PKHD1: variants seen among roughly 807,000 people sequenced by gnomAD.
PKHD1 encodes the protein fibrocystin.
Under a neutral mutation model 412.0 loss-of-function variants are expected in PKHD1, and 291 were observed. The observed-to-expected ratio is 0.71, with a 90% confidence interval of 0.64 to 0.78. The LOEUF is 0.78. Ranked by LOEUF, PKHD1 falls within the 30% of genes least tolerant of loss-of-function variation. The pLI is 0.00. For synonymous variants in PKHD1, 1,777 were observed against 1,821.5 expected, an observed-to-expected ratio of 0.98 and a Z score of 0.62; for missense variants, 4,825 against 4,950.7, an observed-to-expected ratio of 0.97 and a Z score of 0.76.
intron 35 of PKHD1, among the ~76,000 whole-genome samples, chr6:51,989,690 T>C (rs1474529803): frequency 1.3e-5 from 2 of 151,972 alleles, no homozygotes; most frequent in Non-Finnish European, 2.9e-5. Context: ...CAAAGGCCTT[T>C]GATTTCACCA....
intron 35 of PKHD1, among the ~76,000 whole-genome samples, chr6:51,996,278 G>A (rs535172375): frequency 4.0e-5 from 6 of 151,664 alleles, no homozygotes; most frequent in African/African-American, 1.5e-4. Context: ...CAAAGTGCTG[G>A]GATTACAGGC....
chr6:51,980,993 A>C (rs1017653136), intron 35 of PKHD1, among the ~76,000 whole-genome samples: 1 of 152,198 alleles, frequency 6.6e-6, no homozygotes, highest in African/African-American at 2.4e-5. Context: ...TCAGCTTTTT[A>C]AAATGTCTAA....
At chr6:51,794,298 T>C (rs976829837) in intron 52 of PKHD1, among the ~76,000 whole-genome samples, 8 of 152,182 alleles carry the variant, frequency 5.3e-5, no homozygotes, top group Non-Finnish European at 7.3e-5. Flanking sequence ...TTAAGCTTTT[T>C]TTCATATGTC....
At position 51,819,312 on chromosome 6, in the gene PKHD1, T is replaced by C. The variant is rs114468947; in HGVS notation, c.8302+11549A>G. ...AAAAAAAGTATTTATCTGTGCTTAGTCCAAAATTTTTCAAATTTGTTTGAC... is the reference window on the plus strand; with the variant it reads ...AAAAAAAGTATTTATCTGTGCTTAGCCCAAAATTTTTCAAATTTGTTTGAC... On this transcript the variant is annotated intron_variant, in intron 52 of 66. Coordinates refer to ENST00000371117, the MANE Select transcript of PKHD1 (RefSeq NM_138694.4). Among the ~76,000 whole-genome samples the C allele has an allele frequency of 5.1e-3, 777 of 152,354 alleles. 11 individuals are homozygous for C. Among genetic ancestry groups the C allele is most frequent in the African/African-American group, 0.015 (630 of 41,576 alleles).
intron 60 of PKHD1, among the ~76,000 whole-genome samples, chr6:51,710,102 C>T (rs1392150540): frequency 2.6e-5 from 4 of 151,940 alleles, no homozygotes; most frequent in Non-Finnish European, 4.4e-5. Context: ...CCCAGCTACT[C>T]GGGAAGCTGA....
chr6:52,049,579 A>G (rs969043788), intron 22 of PKHD1, among the ~76,000 whole-genome samples: 1 of 152,224 alleles, frequency 6.6e-6, no homozygotes, highest in African/African-American at 2.4e-5. Context: ...ATTAGAGTAT[A>G]CATGTGTTCC....
chr6:52,024,175 G>A (rs1325701875), intron 32 of PKHD1, among the ~76,000 whole-genome samples: 1 of 152,160 alleles, frequency 6.6e-6, no homozygotes, highest in Non-Finnish European at 1.5e-5. Flanking sequence ...ATTACAAAAT[G>A]ATAAAAATTT....
chr6:52,040,981 T>C (rs188592746), intron 27 of PKHD1, among the ~76,000 whole-genome samples: 3 of 152,178 alleles, frequency 2.0e-5, no homozygotes, highest in Non-Finnish European at 4.4e-5. Context: ...TGGTAACAAT[T>C]AAAGGTTGAA....
chr6:52,050,096 T>C, intron 22 of PKHD1, 61 bp downstream of exon 22: 1 of 1,548,078 alleles, frequency 6.5e-7, no homozygotes, highest in Non-Finnish European at 8.9e-7. Context: ...CACACCTGTG[T>C]CCCTCAAGGC....
intron 35 of PKHD1, among the ~76,000 whole-genome samples, chr6:52,009,875 C>A (rs1799585398): frequency 6.6e-6 from 1 of 152,036 alleles, no homozygotes; most frequent in African/African-American, 2.4e-5. Context: ...CTCTGCTCCC[C>A]CATGGCACAG....
At chr6:51,793,379 G>A (rs1002822133) in intron 52 of PKHD1, among the ~76,000 whole-genome samples, 15 of 152,016 alleles carry the variant, frequency 9.9e-5, no homozygotes, top group African/African-American at 3.6e-4. Flanking sequence ...TAAATTCAGG[G>A]ATACATGAGC....
At chr6:51,832,031 A>G (rs1224321610) in intron 51 of PKHD1, among the ~76,000 whole-genome samples, 4 of 152,032 alleles carry the variant, frequency 2.6e-5, no homozygotes. Context: ...CATGTCCATG[A>G]TTTGCTAATT....
chr6:51,982,996 T>A (rs1405290382), intron 35 of PKHD1, among the ~76,000 whole-genome samples: 1 of 151,956 alleles, frequency 6.6e-6, no homozygotes, highest in African/African-American at 2.4e-5. Flanking sequence ...AGACATTGCT[T>A]AAGCAGGGCC....
chr6:51,807,492 T>TGTGTGC (rs1764023570), intron 52 of PKHD1, among the ~76,000 whole-genome samples: 1 of 141,802 alleles, frequency 7.1e-6, no homozygotes, highest in Non-Finnish European at 1.5e-5. Flanking sequence ...TATATGTGTG[T>TGTGTGC]GTGTGTGTGT....
At chr6:51,654,907 T>G (rs747900535) in intron 61 of PKHD1, among the ~76,000 whole-genome samples, 3 of 152,056 alleles carry the variant, frequency 2.0e-5, no homozygotes, top group Non-Finnish European at 4.4e-5. Context: ...ATCTTTGTCT[T>G]TTTTTAACGA....
intron 60 of PKHD1, among the ~76,000 whole-genome samples, chr6:51,664,508 C>T (rs1773396434): frequency 6.6e-6 from 1 of 152,112 alleles, no homozygotes; most frequent in African/African-American, 2.4e-5. Context: ...ATCTTTATGA[C>T]CCATTGGCAT....
chr6:51,757,076 G>C (rs1562243744), intron 55 of PKHD1, among the ~76,000 whole-genome samples: 1 of 152,120 alleles, frequency 6.6e-6, no homozygotes, highest in African/African-American at 2.4e-5. Flanking sequence ...ATGCTCCCTT[G>C]CCCACCACTC....
At chr6:52,070,580 C>G in intron 9 of PKHD1, 135 bp from the exon 10 acceptor site, 1 of 681,754 alleles carries the variant, frequency 1.5e-6, no homozygotes, top group East Asian at 2.6e-5. Context: ...AGTGGTTCCC[C>G]CCCGCAAAAA....
intron 53 of PKHD1, among the ~76,000 whole-genome samples, chr6:51,789,733 C>T (rs971366841): frequency 6.6e-6 from 1 of 152,026 alleles, no homozygotes; most frequent in Admixed American, 6.6e-5. Flanking sequence ...GTACCATAGA[C>T]TAAAAAGAAA....
Sources: gnomAD v4.1 joint callset for allele counts (sites outside exome capture counted in the v4.1 genomes callset) on GRCh38, gnomAD v4.1.1 for gene constraint, MANE v1.5 for transcripts, NCBI Gene and HGNC (gene_info 2026-07-23, HGNC 2026-07-21) for gene names.